Variants in ZDHHC14 observed in about 807,000 individuals in gnomAD.
ZDHHC14 encodes the protein palmitoyltransferase ZDHHC14.
In ZDHHC14, 16 loss-of-function variants were observed where a neutral mutation model predicts 47.7. The observed-to-expected ratio is 0.34, with a 90% CI of 0.23 to 0.51. The LOEUF is 0.51. ZDHHC14 is among the 20% of genes least tolerant of loss of function. The pLI, the probability that ZDHHC14 is intolerant of heterozygous loss-of-function variation, is 0.97. For missense variants in ZDHHC14, 515 were observed against 662.5 expected (o/e 0.78, Z 2.44); for synonymous variants, 293 against 278.9 (o/e 1.05, Z -0.50).
At chr6:157,549,892 AGC>A (rs1782150955) in intron 2 of ZDHHC14, among the ~76,000 whole-genome samples, 1 of 152,244 alleles carries the variant, frequency 6.6e-6, no homozygotes, top group African/African-American at 2.4e-5. Context: ...TTGGAATTGA[AGC>A]CATTGTCTGA....
At chr6:157,548,436 G>GTTGTTGTTTGT (rs777254077) in intron 2 of ZDHHC14, among the ~76,000 whole-genome samples, 1 of 150,982 alleles carries the variant, frequency 6.6e-6, no homozygotes, top group African/African-American at 2.4e-5. Flanking sequence ...TGTTGTTGTT[G>GTTGTTGTTTGT]TTGTTTGTTT....
chr6:157,613,337 G>C lies in ZDHHC14; in HGVS notation c.566-15012G>C, dbSNP rs1189256050. On this transcript the variant is annotated intron_variant, in intron 3 of 8. Coordinates refer to ENST00000359775, the MANE Select transcript of ZDHHC14 (RefSeq NM_024630.3). ...TGCCTTTCTCAACAGAAGATGCCTTGATACTTTCTATTTTATTGTTTGTTT... is the reference window on the plus strand; with the variant it reads ...TGCCTTTCTCAACAGAAGATGCCTTCATACTTTCTATTTTATTGTTTGTTT... 2.6e-5 allele frequency among the ~76,000 whole-genome samples: 4 copies of C among 152,164 alleles called. No homozygotes were observed. In the East Asian group the frequency reaches 7.7e-4, roughly 29 times the overall value.
At chr6:157,635,838 C>T (rs546548878) in intron 5 of ZDHHC14, among the ~76,000 whole-genome samples, 2 of 152,198 alleles carry the variant, frequency 1.3e-5, no homozygotes, top group Non-Finnish European at 2.9e-5. Context: ...CTTATTCAGG[C>T]CAGAGCAAAT....
At chr6:157,417,119 C>A (rs1057182827) in intron 1 of ZDHHC14, among the ~76,000 whole-genome samples, 1 of 151,264 alleles carries the variant, frequency 6.6e-6, no homozygotes, top group Non-Finnish European at 1.5e-5. Context: ...TGAGCCACCG[C>A]GCCTGGCTCA....
At chr6:157,568,433 A>C (rs1782984657) in intron 2 of ZDHHC14, among the ~76,000 whole-genome samples, 1 of 149,014 alleles carries the variant, frequency 6.7e-6, no homozygotes, top group Admixed American at 6.7e-5. Context: ...TACTATTTTG[A>C]AGGCAGATTT....
At chr6:157,664,673 T>A (rs1175024943) in intron 8 of ZDHHC14, among the ~76,000 whole-genome samples, 2 of 152,260 alleles carry the variant, frequency 1.3e-5, no homozygotes, top group Non-Finnish European at 2.9e-5. Flanking sequence ...GCCTTTCTGA[T>A]GTCTTTGGGA....
At chr6:157,535,133 G>T (rs1205849414) in intron 1 of ZDHHC14, among the ~76,000 whole-genome samples, 1 of 152,114 alleles carries the variant, frequency 6.6e-6, no homozygotes, top group Non-Finnish European at 1.5e-5. Flanking sequence ...TGCTTGGAGG[G>T]TGTTTGGGCC....
intron 3 of ZDHHC14, among the ~76,000 whole-genome samples, chr6:157,613,777 AG>A (rs1784843804): frequency 6.6e-6 from 1 of 152,178 alleles, no homozygotes; most frequent in African/African-American, 2.4e-5. Flanking sequence ...GCCTAGGAAT[AG>A]GCTTCGGGAA....
intron 1 of ZDHHC14, among the ~76,000 whole-genome samples, chr6:157,495,948 G>T (rs1375258470): frequency 6.6e-6 from 1 of 152,002 alleles, no homozygotes; most frequent in South Asian, 2.1e-4. Flanking sequence ...CAAGTGATCC[G>T]GCTGCCTCGG....
chr6:157,605,368 A>C (rs1034362432), intron 3 of ZDHHC14, among the ~76,000 whole-genome samples: 3 of 152,162 alleles, frequency 2.0e-5, no homozygotes, highest in Non-Finnish European at 4.4e-5. Context: ...ATCTTTTTTT[A>C]ATTAAATAAG....
intron 1 of ZDHHC14, among the ~76,000 whole-genome samples, chr6:157,485,840 G>A (rs772645549): frequency 3.3e-5 from 5 of 152,026 alleles, no homozygotes; most frequent in South Asian, 2.1e-4. Context: ...GTGAAACTCC[G>A]TCTCCACTAA....
At chr6:157,647,216 G>T (rs370579711) in intron 6 of ZDHHC14, 43 bp from the exon 7 acceptor site, 6 of 1,380,266 alleles carry the variant, frequency 4.3e-6, no homozygotes, top group South Asian at 1.2e-5. Flanking sequence ...CTGTGCGTTG[G>T]TGTGGAAGAT....
intron 1 of ZDHHC14, among the ~76,000 whole-genome samples, chr6:157,485,785 T>A: frequency 6.7e-6 from 1 of 148,948 alleles, no homozygotes; most frequent in East Asian, 2.0e-4. Flanking sequence ...CCAAGGCGGG[T>A]GGATCACTTG....
intron 1 of ZDHHC14, among the ~76,000 whole-genome samples, chr6:157,508,149 C>G (rs1010280239): frequency 6.6e-6 from 1 of 152,174 alleles, no homozygotes; most frequent in Non-Finnish European, 1.5e-5. Flanking sequence ...TTGTTCTTTA[C>G]AGCTGGTGTT....
intron 1 of ZDHHC14, among the ~76,000 whole-genome samples, chr6:157,462,434 T>C (rs552574483): frequency 8.5e-5 from 13 of 152,340 alleles, no homozygotes; most frequent in African/African-American, 2.9e-4. Flanking sequence ...TTCTGACTTA[T>C]AAGAAAAGCG....
At chr6:157,407,695 G>A (rs1029096132) in intron 1 of ZDHHC14, among the ~76,000 whole-genome samples, 1 of 152,200 alleles carries the variant, frequency 6.6e-6, no homozygotes, top group African/African-American at 2.4e-5. Context: ...TGAAATTGGT[G>A]TGCCTTCATC....
At chr6:157,478,816 G>GA (rs993093832) in intron 1 of ZDHHC14, among the ~76,000 whole-genome samples, 2 of 152,166 alleles carry the variant, frequency 1.3e-5, no homozygotes, top group Admixed American at 6.5e-5. Context: ...AAATGTCATA[G>GA]AAAAAATTAG....
chr6:157,672,659 C>G, intron 8 of ZDHHC14, 65 bp from the exon 9 acceptor site: 1 of 1,342,386 alleles, frequency 7.4e-7, no homozygotes, highest in Non-Finnish European at 1.0e-6. Flanking sequence ...GTCCCCATCC[C>G]TGTCCCTCCC....
intron 8 of ZDHHC14, among the ~76,000 whole-genome samples, chr6:157,667,049 C>A (rs927337592): frequency 2.0e-5 from 3 of 152,186 alleles, no homozygotes; most frequent in African/African-American, 4.8e-5. Flanking sequence ...AAATTCTATT[C>A]TATTAGTATC....
Sources: allele counts gnomAD v4.1 joint callset (sites outside exome capture counted in the v4.1 genomes callset), GRCh38; gene constraint gnomAD v4.1.1; transcripts MANE v1.5; gene names NCBI Gene and HGNC (gene_info 2026-07-23, HGNC 2026-07-21).